The following STK3 variants were observed in gnomAD, a reference collection of about 807,000 sequenced individuals.
The protein encoded by STK3 is serine/threonine kinase 3.
A neutral mutation model predicts 58.0 loss-of-function variants in STK3; 41 were observed. The ratio of observed to expected loss-of-function variants is 0.71; its 90% CI spans 0.55 to 0.92. The LOEUF (loss-of-function observed/expected upper bound fraction) is 0.92, where lower values mean the gene tolerates loss of function less well. Among genes scored for constraint, STK3 ranks in the 40% least tolerant of loss-of-function variants. STK3 has a pLI of 0.00. For synonymous variants in STK3, 170 were observed against 191.0 expected (o/e 0.89, Z 0.91); for missense variants, 479 against 602.7 (o/e 0.79, Z 2.15).
upstream of STK3, among the ~76,000 whole-genome samples, chr8:98,829,953 G>C (rs1310032525): frequency 6.6e-6 from 1 of 151,884 alleles, no homozygotes; most frequent in African/African-American, 2.4e-5. Context: ...GAGGCCGGAC[G>C]TGGTGGCTCA....
chr8:98,687,243 G>T (rs1418354601), intron 6 of STK3, among the ~76,000 whole-genome samples: 1 of 152,168 alleles, frequency 6.6e-6, no homozygotes, highest in African/African-American at 2.4e-5. Flanking sequence ...AACCGGTTTC[G>T]TGGACGACAA....
intron 1 of STK3, among the ~76,000 whole-genome samples, chr8:98,893,484 A>AAGAAAGAAAGAAAGAGAAAGAAAG (rs1838310337): frequency 2.3e-5 from 1 of 43,578 alleles, no homozygotes; most frequent in African/African-American, 9.7e-5. Flanking sequence ...GAAAGAAAGA[A>AAGAAAGAAAGAAAGAGAAAGAAAG]AGAGAAAGAA....
chr8:98,739,585 A>C, intron 4 of STK3, among the ~76,000 whole-genome samples: 1 of 146,184 alleles, frequency 6.8e-6, no homozygotes, highest in Non-Finnish European at 1.5e-5. Context: ...CACACCAAAA[A>C]CCCATCTGTA....
At chr8:98,556,324 C>G (rs1037382712) in intron 8 of STK3, among the ~76,000 whole-genome samples, 7 of 152,082 alleles carry the variant, frequency 4.6e-5, no homozygotes, top group Admixed American at 1.3e-4. Flanking sequence ...ACCCTCAACT[C>G]ACACCATTCT....
intron 1 of STK3, among the ~76,000 whole-genome samples, chr8:98,785,076 T>C (rs1244162063): frequency 6.6e-6 from 1 of 152,156 alleles, no homozygotes; most frequent in Non-Finnish European, 1.5e-5. Context: ...TTCCACTCCA[T>C]TGCCCAAGAA....
the STK3 span, among the ~76,000 whole-genome samples, chr8:98,358,419 T>G: frequency 6.6e-6 from 1 of 152,128 alleles, no homozygotes; most frequent in Non-Finnish European, 1.5e-5. Flanking sequence ...CCCAGTAGGC[T>G]TGTGCTTTAT....
chr8:98,601,280 C>A (rs539025407), intron 6 of STK3, among the ~76,000 whole-genome samples: 1 of 152,112 alleles, frequency 6.6e-6, no homozygotes, highest in Non-Finnish European at 1.5e-5. Flanking sequence ...TTCCAGTCTG[C>A]CCCACAACCA....
chr8:98,714,217 C>A (rs2131136049), intron 4 of STK3, among the ~76,000 whole-genome samples: 1 of 152,274 alleles, frequency 6.6e-6, no homozygotes, highest in East Asian at 1.9e-4. Flanking sequence ...TGAAAACTGG[C>A]ACAAGACAGG....
intron 10 of STK3, among the ~76,000 whole-genome samples, chr8:98,497,276 C>T (rs1823210905): frequency 6.6e-6 from 1 of 152,094 alleles, no homozygotes; most frequent in Admixed American, 6.6e-5. Context: ...TTCTATCTAA[C>T]ACCATATACA....
intron 3 of STK3, among the ~76,000 whole-genome samples, chr8:98,421,877 C>T (rs1237012268): frequency 6.6e-6 from 1 of 152,024 alleles, no homozygotes; most frequent in Non-Finnish European, 1.5e-5. Context: ...CCTAGTGGGG[C>T]TGGTGAAGAG....
chr8:98,869,473 C>T (rs1837285922), intron 3 of STK3, among the ~76,000 whole-genome samples: 1 of 151,996 alleles, frequency 6.6e-6, no homozygotes, highest in Non-Finnish European at 1.5e-5. Context: ...TGTAATCATC[C>T]TGAATAATAT....
rs1491559534 is a variant in STK3 at position 98,602,876 on chromosome 8, T to TGAAA, written c.685-6708_685-6707insTTTC. On this transcript the variant is annotated intron_variant, in intron 6 of 10. Transcript: ENST00000419617. The stretch of plus-strand genomic sequence containing the variant: ...AGCACATCAATTCCCTCCAAATAAC[T>TGAAA]AAAAAAAAAAAAAAAGCCTAAGAAC... Among the ~76,000 whole-genome samples the TGAAA allele has an allele frequency of 5.5e-3, 751 of 136,356 alleles. 5 individuals are homozygous for TGAAA. The highest frequency in any genetic ancestry group is 0.018 in the African/African-American group (701 of 38,176). 89.5% of individuals were successfully genotyped at this position (136,356 alleles called of 152,430 possible).
At position 98,629,185 on chromosome 8, in the gene STK3, ATAGGCTCAGCTGG is replaced by A. The variant is rs527755377; in HGVS notation, c.685-33029_685-33017del. ...AAATTAGACTAATCTCTTTAGTATG[ATAGGCTCAGCTGG>A]TAGGCCCATCACCCTAGACACAGAA... On this transcript the variant is annotated intron_variant, in intron 6 of 10. Transcript: ENST00000419617. Among the ~76,000 whole-genome samples the A allele has an allele frequency of 2.5e-3, 386 of 152,330 alleles. 1 individual carries two copies. Among genetic ancestry groups the A allele is most frequent in the South Asian group, 7.9e-3 (38 of 4,826 alleles).
At chr8:98,619,339 T>C (rs1161822744) in intron 6 of STK3, among the ~76,000 whole-genome samples, 1 of 151,866 alleles carries the variant, frequency 6.6e-6, no homozygotes, top group Non-Finnish European at 1.5e-5. Flanking sequence ...GATTTAAACG[T>C]TAGTCCTAAA....
chr8:98,495,783 A>C (rs1049848219), intron 10 of STK3, among the ~76,000 whole-genome samples: 24 of 152,178 alleles, frequency 1.6e-4, no homozygotes, highest in African/African-American at 5.3e-4. Context: ...CTTTTGTCTC[A>C]CTATTAATGC....
chr8:98,831,481 T>C lies in STK3; in HGVS notation c.110+52166A>G, dbSNP rs548812378. Among the ~76,000 whole-genome samples the C allele has an allele frequency of 5.3e-5, 8 of 152,338 alleles. No homozygotes were observed. The South Asian group carries it at 1.7e-3, about 32-fold the overall frequency. On this transcript the variant is annotated intron_variant, in intron 3 of 12. Transcript: ENST00000523601. Reference sequence around the variant, plus strand: ...TATGTTACCCAGACTGGTCTCGAACTCCTGGTCTCAAGCAATCCTCCCACC... The same window carrying C: ...TATGTTACCCAGACTGGTCTCGAACCCCTGGTCTCAAGCAATCCTCCCACC...
At position 98,808,228 on chromosome 8, in the gene STK3, A is replaced by C. The variant is rs2131663319; in HGVS notation, c.26+17287T>G. Among the ~76,000 whole-genome samples, 5 of 152,382 alleles carry C rather than the reference A, an allele frequency of 3.3e-5. No individual in the cohort carries two copies. In the South Asian group the frequency reaches 1.0e-3, roughly 32 times the overall value. On this transcript the variant is annotated intron_variant, in intron 1 of 10. Transcript: ENST00000419617. ...GAAGTAGCAGAAAGCATCTGTGTTA[A>C]ATTATATGAAAACATGAGGGCAGGA...
intron 6 of STK3, among the ~76,000 whole-genome samples, chr8:98,644,153 A>C (rs1820227146): frequency 6.6e-6 from 1 of 152,220 alleles, no homozygotes; most frequent in Non-Finnish European, 1.5e-5. Flanking sequence ...CAAGTTTTAT[A>C]TTATTTAGCA....
At chr8:98,521,898 TATTC>T (rs1825392109) in intron 10 of STK3, among the ~76,000 whole-genome samples, 1 of 152,180 alleles carries the variant, frequency 6.6e-6, no homozygotes, top group Non-Finnish European at 1.5e-5. Flanking sequence ...ATCTCCCTCT[TATTC>T]AAAACCACAT....
Sources: allele counts gnomAD v4.1 joint callset (sites outside exome capture counted in the v4.1 genomes callset), GRCh38; gene constraint gnomAD v4.1.1; transcripts MANE v1.5; gene names NCBI Gene and HGNC (gene_info 2026-07-23, HGNC 2026-07-21).